ANXA8: variants seen among roughly 807,000 people sequenced by gnomAD.
The protein encoded by ANXA8 is annexin A8, also known as VAC-beta.
A neutral mutation model predicts 26.8 loss-of-function variants in ANXA8; 9 were observed. The observed-to-expected ratio is 0.34, with a 90% CI of 0.20 to 0.59. The LOEUF (loss-of-function observed/expected upper bound fraction) is 0.59, where lower values mean the gene tolerates loss of function less well. Among genes scored for constraint, ANXA8 ranks in the 20% least tolerant of loss-of-function variants. The pLI is 0.84. For synonymous variants in ANXA8, 39 were observed against 94.8 expected, an observed-to-expected ratio of 0.41 and a Z score of 3.42; for missense variants, 83 against 238.5, an observed-to-expected ratio of 0.35 and a Z score of 4.29.
the ANXA8 span, among the ~76,000 whole-genome samples, chr10:47,968,814 G>C: frequency 6.8e-6 from 1 of 148,064 alleles, no homozygotes; most frequent in African/African-American, 2.4e-5. Flanking sequence ...CCATTAAAAG[G>C]GATTACCCAA....
chr10:47,717,920 C>T, the ANXA8 span, among the ~76,000 whole-genome samples: 6 of 148,744 alleles, frequency 4.0e-5, no homozygotes, highest in African/African-American at 9.9e-5. Context: ...ATTGCTTGAA[C>T]GCAGGAGGCA....
chr10:47,667,579 T>G, the ANXA8 span, among the ~76,000 whole-genome samples: 1 of 151,918 alleles, frequency 6.6e-6, no homozygotes, highest in African/African-American at 2.4e-5. Flanking sequence ...TGAGACAGAA[T>G]CCCACTCTCG....
chr10:47,497,453 T>A, the ANXA8 span, among the ~76,000 whole-genome samples: 6 of 141,446 alleles, frequency 4.2e-5, no homozygotes, highest in East Asian at 7.0e-4. Context: ...CCATCTCTAC[T>A]AAAATAAAAT....
At chr10:47,483,292 G>A (rs1422772249) in intron 1 of ANXA8, among the ~76,000 whole-genome samples, 2 of 138,146 alleles carry the variant, frequency 1.4e-5, no homozygotes, top group Non-Finnish European at 3.1e-5. Flanking sequence ...GTCCCCAACA[G>A]CAGGTTCAGG....
At chr10:47,650,236 G>A in the ANXA8 span, among the ~76,000 whole-genome samples, 12 of 148,910 alleles carry the variant, frequency 8.1e-5, no homozygotes, top group Admixed American at 5.3e-4. Flanking sequence ...AGAAAGAAGT[G>A]GGGTTTCACC....
At chr10:47,607,866 A>AT in the ANXA8 span, among the ~76,000 whole-genome samples, 1 of 103,412 alleles carries the variant, frequency 9.7e-6, no homozygotes, top group Non-Finnish European at 1.8e-5. Flanking sequence ...ATTAATAAAC[A>AT]TTTAAAAAGG....
the ANXA8 span, chr10:47,710,168 A>G: frequency 1.1e-6 from 1 of 918,054 alleles, no homozygotes. Context: ...TTATTTGTCA[A>G]GAAAAATGTA....
the ANXA8 span, among the ~76,000 whole-genome samples, chr10:47,676,325 G>A: frequency 1.3e-5 from 2 of 151,976 alleles, no homozygotes; most frequent in East Asian, 3.9e-4. Context: ...AATGGAAGGA[G>A]TTCAGCAAAT....
At chr10:47,623,624 GCTGGTGTCTATTATTTACATT>G in the ANXA8 span, among the ~76,000 whole-genome samples, 1 of 109,114 alleles carries the variant, frequency 9.2e-6, no homozygotes, top group Non-Finnish European at 2.0e-5. Context: ...AACCCATGCA[GCTGGTGTCTATTATTTACATT>G]CTGTGATGTA....
chr10:47,693,125 G>T, the ANXA8 span, among the ~76,000 whole-genome samples: 3 of 151,684 alleles, frequency 2.0e-5, no homozygotes, highest in African/African-American at 7.3e-5. Context: ...GCAGGAGGAA[G>T]TTGATTAAGC....
the ANXA8 span, among the ~76,000 whole-genome samples, chr10:47,684,437 G>A: frequency 6.6e-6 from 1 of 151,506 alleles, no homozygotes; most frequent in Non-Finnish European, 1.5e-5. Context: ...GGGGGGGTGA[G>A]GAGGGTAGGG....
the ANXA8 span, among the ~76,000 whole-genome samples, chr10:47,747,801 TGG>T: frequency 6.6e-6 from 1 of 151,346 alleles, no homozygotes. Context: ...ACTTGATGGG[TGG>T]AATAGAGACT....
chr10:47,659,690 A>G, the ANXA8 span, among the ~76,000 whole-genome samples: 2 of 150,416 alleles, frequency 1.3e-5, no homozygotes, highest in South Asian at 4.1e-4. Flanking sequence ...AAAAAAAAAA[A>G]AAGAGTGTTT....
chr10:47,888,975 A>AATAT, the ANXA8 span, among the ~76,000 whole-genome samples: 1 of 62,152 alleles, frequency 1.6e-5, no homozygotes, highest in African/African-American at 5.9e-5. Context: ...CTTATAATAT[A>AATAT]ATATATATGT....
chr10:47,955,254 A>G, the ANXA8 span, among the ~76,000 whole-genome samples: 2 of 146,774 alleles, frequency 1.4e-5, no homozygotes, highest in African/African-American at 5.1e-5. Context: ...AGCCACCTGG[A>G]ACTGTAAGTC....
chr10:47,515,999 T>A, the ANXA8 span, among the ~76,000 whole-genome samples: 3 of 131,576 alleles, frequency 2.3e-5, 1 homozygote, highest in East Asian at 6.4e-4. Flanking sequence ...AGCAAAACTT[T>A]AAAAAAAAAA....
the ANXA8 span, among the ~76,000 whole-genome samples, chr10:47,748,132 T>C: frequency 1.3e-5 from 2 of 151,898 alleles, no homozygotes; most frequent in African/African-American, 2.4e-5. Flanking sequence ...CTGAGAACTT[T>C]CCAAAACTGA....
chr10:47,918,370 AG>A, the ANXA8 span, among the ~76,000 whole-genome samples: 165 of 20,272 alleles, frequency 8.1e-3, no homozygotes, highest in African/African-American at 0.025. Context: ...AGAGAGAGAG[AG>A]AGAGAGAGAG....
chr10:47,553,934 A>G, the ANXA8 span, among the ~76,000 whole-genome samples: 1 of 148,916 alleles, frequency 6.7e-6, no homozygotes, highest in Admixed American at 6.7e-5. Context: ...CCTCCTCTGT[A>G]AAGATGACAG....
Sources: allele counts gnomAD v4.1 joint callset (sites outside exome capture counted in the v4.1 genomes callset), GRCh38; gene constraint gnomAD v4.1.1; transcripts MANE v1.5; gene names NCBI Gene and HGNC (gene_info 2026-07-23, HGNC 2026-07-21).